The following CACNA1A variants were observed in gnomAD, a reference collection of about 807,000 sequenced individuals.
CACNA1A encodes the protein voltage-dependent P/Q-type calcium channel subunit alpha-1A.
A neutral mutation model predicts 262.4 loss-of-function variants in CACNA1A; 57 were observed. That is an observed-to-expected ratio of 0.22 (90% confidence interval 0.18 to 0.27). The LOEUF is 0.27. CACNA1A is among the 10% of genes least tolerant of loss of function. The probability of loss-of-function intolerance (pLI) is 1.00; values close to 1 mark genes in which losing one functional copy is unlikely to be tolerated. For synonymous variants in CACNA1A, 1,431 were observed against 1,419.3 expected (o/e 1.01, Z -0.18); for missense variants, 2,526 against 3,562.8 (o/e 0.71, Z 7.41).
chr19:13,426,427 T>G (rs976143695), intron 3 of CACNA1A, among the ~76,000 whole-genome samples: 2 of 152,178 alleles, frequency 1.3e-5, no homozygotes, highest in African/African-American at 4.8e-5. Flanking sequence ...GGGCTGCTAC[T>G]GGCATTTAGT....
At position 13,372,336 on chromosome 19, in the gene CACNA1A, C is replaced by CT. The variant is rs1222618535; in HGVS notation, c.540-558dup. 4.0e-5 allele frequency among the ~76,000 whole-genome samples: 6 copies of CT among 151,766 alleles called. 1 individual carries two copies. In the South Asian group the frequency reaches 6.3e-4, roughly 16 times the overall value. On this transcript the variant is annotated intron_variant, in intron 3 of 46. Transcript: ENST00000360228. ...ACGCACCCGCCATCATGCCCGGGTA[C>CT]TTTTTTTTGTATTTTTGTAGAGACA...
At chr19:13,237,721 C>T (rs151330440) in intron 31 of CACNA1A, among the ~76,000 whole-genome samples, 1,909 of 152,234 alleles carry the variant, frequency 0.013, 114 homozygotes, top group Admixed American at 0.12. Context: ...TCGAACAAGC[C>T]CCAAACCCAG....
At chr19:13,386,110 C>A (rs567621109) in intron 3 of CACNA1A, among the ~76,000 whole-genome samples, 1 of 151,414 alleles carries the variant, frequency 6.6e-6, no homozygotes, top group African/African-American at 2.4e-5. Flanking sequence ...GTGATTGTGC[C>A]ACTGCATTTC....
intron 19 of CACNA1A, among the ~76,000 whole-genome samples, chr19:13,294,639 C>G (rs1159451856): frequency 1.3e-5 from 2 of 151,954 alleles, no homozygotes; most frequent in South Asian, 2.1e-4. Context: ...AGGCGTCCAC[C>G]ACCACGCCTG....
chr19:13,226,908 AAGGTCTCGAATCCCCAAGGCCCT>A (rs2055473406), intron 37 of CACNA1A: 1 of 152,490 alleles, frequency 6.6e-6, no homozygotes, highest in African/African-American at 2.4e-5. Flanking sequence ...TGCTCCTTGG[AAGGTCTCGAATCCCCAAGGCCCT>A]AGGTCAGAGA....
At chr19:13,348,689 A>G (rs1030468406) in intron 6 of CACNA1A, among the ~76,000 whole-genome samples, 1 of 152,182 alleles carries the variant, frequency 6.6e-6, no homozygotes, top group Non-Finnish European at 1.5e-5. Flanking sequence ...ACAAAAAATT[A>G]GCTGGGCGTG....
intron 37 of CACNA1A, 90 bp from the exon 38 acceptor site, chr19:13,224,862 AG>A: frequency 1.2e-6 from 1 of 847,714 alleles, no homozygotes; most frequent in Admixed American, 2.2e-5. Context: ...AGGGAGTCCC[AG>A]GAAGAACTCT....
chr19:13,363,810 A>G (rs1170250241), intron 5 of CACNA1A: 2 of 152,222 alleles, frequency 1.3e-5, no homozygotes, highest in South Asian at 2.1e-4. Context: ...CTTGACCCAA[A>G]TCATCAGAAC....
At chr19:13,258,981 T>G (rs566467817) in intron 27 of CACNA1A, 1 of 152,104 alleles carries the variant, frequency 6.6e-6, no homozygotes, top group East Asian at 1.9e-4. Context: ...TTGTCTAGGC[T>G]GGAGTACAAT....
intron 44 of CACNA1A, among the ~76,000 whole-genome samples, chr19:13,210,370 G>T (rs1216143089): frequency 1.3e-5 from 2 of 152,144 alleles, no homozygotes; most frequent in African/African-American, 2.4e-5. Context: ...CCTCCGGCGT[G>T]GGGGGCCCTG....
rs1483541516 is a variant in CACNA1A at position 13,236,974 on chromosome 19, G to GT, written c.4951-1245dup. On this transcript the variant is annotated intron_variant, in intron 31 of 46. Transcript: ENST00000360228. This position sits in a 1 kb window ranked among gnomAD's most constrained non-coding sequence, Gnocchi z 4.6. ...AACTGTTTTGTTGGGCCCGAGCAGT[G>GT]TTTTTTCATTTGTCCTTGTTTTTAA... 2.6e-5 allele frequency among the ~76,000 whole-genome samples: 4 copies of GT among 152,092 alleles called. No homozygotes were observed. The highest frequency in any genetic ancestry group is 5.9e-5 in the Non-Finnish European group (4 of 68,002).
At chr19:13,494,448 G>T (rs1981259214) in intron 1 of CACNA1A, among the ~76,000 whole-genome samples, 1 of 151,858 alleles carries the variant, frequency 6.6e-6, no homozygotes, top group African/African-American at 2.4e-5. Flanking sequence ...CAGAAGGAAT[G>T]TCATGTAATG....
intron 6 of CACNA1A, among the ~76,000 whole-genome samples, chr19:13,343,046 C>T (rs769234932): frequency 7.2e-5 from 11 of 151,758 alleles, no homozygotes; most frequent in Admixed American, 2.6e-4. Context: ...TGAGCCACCA[C>T]GCCCAGCCAG....
chr19:13,399,049 ACT>A (rs1262395434), intron 3 of CACNA1A, among the ~76,000 whole-genome samples: 7 of 152,050 alleles, frequency 4.6e-5, no homozygotes, highest in African/African-American at 1.7e-4. Context: ...CCTCAGACTA[ACT>A]CTGCAGAAAT....
Position 13,268,577 on chromosome 19 carries a change from C to T in CACNA1A, c.3990-5744G>A, listed in dbSNP as rs149951373. On this transcript the variant is annotated intron_variant, in intron 24 of 46. Transcript: ENST00000360228. ...GCCTCCCGAGTGCTGGGACTACAGG[C>T]GCCCACCACCACGCCCAGCTAATTT... 4.2e-3 allele frequency among the ~76,000 whole-genome samples: 639 copies of T among 151,976 alleles called. 7 individuals carry two copies. The highest frequency in any genetic ancestry group is 0.015 in the African/African-American group (615 of 41,450).
intron 19 of CACNA1A, among the ~76,000 whole-genome samples, chr19:13,291,145 G>C (rs1449516814): frequency 1.3e-5 from 2 of 152,240 alleles, no homozygotes; most frequent in East Asian, 3.9e-4. Flanking sequence ...CCTCTGCCTG[G>C]AATAGGTGGC....
chr19:13,359,360 A>G (rs1274888132), intron 6 of CACNA1A, among the ~76,000 whole-genome samples: 2 of 152,194 alleles, frequency 1.3e-5, no homozygotes, highest in Non-Finnish European at 2.9e-5. Flanking sequence ...CACTTGCACA[A>G]TGAAAAATGA....
At chr19:13,359,267 A>C (rs750657460) in intron 6 of CACNA1A, among the ~76,000 whole-genome samples, 2 of 152,196 alleles carry the variant, frequency 1.3e-5, no homozygotes, top group African/African-American at 4.8e-5. Context: ...CCTACGTCCA[A>C]AGATATTACT....
At chr19:13,366,962 A>G (rs2059224624) in intron 4 of CACNA1A, among the ~76,000 whole-genome samples, 1 of 152,192 alleles carries the variant, frequency 6.6e-6, no homozygotes, top group Admixed American at 6.5e-5. Flanking sequence ...CAAGGCTAAC[A>G]GAGATGCTGT....
Sources: allele counts gnomAD v4.1 joint callset (sites outside exome capture counted in the v4.1 genomes callset), GRCh38; gene constraint gnomAD v4.1.1; non-coding constraint Gnocchi (gnomAD v3.1); transcripts MANE v1.5; gene names NCBI Gene and HGNC (gene_info 2026-07-23, HGNC 2026-07-21).